The following IL1RAPL2 variants were observed in gnomAD, a reference collection of about 807,000 sequenced individuals.
IL1RAPL2 encodes interleukin 1 receptor accessory protein like 2.
Under a neutral mutation model 44.1 loss-of-function variants are expected in IL1RAPL2, and 3 were observed. That is an observed-to-expected ratio of 0.07 (90% confidence interval 0.03 to 0.18). The LOEUF (loss-of-function observed/expected upper bound fraction) is 0.18. Ranked by LOEUF, IL1RAPL2 falls within the 10% of genes least tolerant of loss-of-function variation. IL1RAPL2 has a pLI of 1.00. For missense variants in IL1RAPL2, 391 were observed against 496.4 expected, an observed-to-expected ratio of 0.79 and a Z score of 2.02; for synonymous variants, 181 against 178.8, an observed-to-expected ratio of 1.01 and a Z score of -0.10.
At chrX:104,652,428 G>T (rs1930170073) in intron 1 of IL1RAPL2, among the ~76,000 whole-genome samples, 1 of 111,746 alleles carries the variant, frequency 8.9e-6, no homozygotes, top group Non-Finnish European at 1.9e-5. Context: ...CATTTGATAA[G>T]ATGTTATCTA....
intron 2 of IL1RAPL2, among the ~76,000 whole-genome samples, chrX:104,830,371 G>A (rs765945372): frequency 9.0e-6 from 1 of 111,372 alleles, no homozygotes; most frequent in East Asian, 2.8e-4. Flanking sequence ...TATGTAGAAT[G>A]GTATCTGTTA....
chrX:104,850,730 A>G (rs913510043), intron 2 of IL1RAPL2, among the ~76,000 whole-genome samples: 12 of 111,642 alleles, frequency 1.1e-4, no homozygotes, highest in South Asian at 3.7e-4. Flanking sequence ...CTGAAATCTC[A>G]TAAGAAATGA....
chrX:104,888,046 G>A (rs1480408375), intron 2 of IL1RAPL2, among the ~76,000 whole-genome samples: 2 of 111,396 alleles, frequency 1.8e-5, no homozygotes, highest in African/African-American at 6.5e-5. Flanking sequence ...CTAACCTCTA[G>A]GAGAAAGCCC....
chrX:104,659,226 A>C (rs190048031), intron 2 of IL1RAPL2, among the ~76,000 whole-genome samples: 11 of 111,991 alleles, frequency 9.8e-5, no homozygotes, highest in African/African-American at 3.6e-4. Context: ...TCAGTGGACA[A>C]TGAAATGTTA....
At chrX:104,913,072 G>A (rs1228761921) in intron 2 of IL1RAPL2, among the ~76,000 whole-genome samples, 2 of 111,925 alleles carry the variant, frequency 1.8e-5, no homozygotes, top group African/African-American at 6.5e-5. Flanking sequence ...ATGAGGTAGA[G>A]TTAATCTGAA....
intron 4 of IL1RAPL2, among the ~76,000 whole-genome samples, chrX:105,265,962 G>T (rs755524249): frequency 9.0e-6 from 1 of 111,039 alleles, no homozygotes; most frequent in Non-Finnish European, 1.9e-5. Flanking sequence ...AAAGTAAAAA[G>T]TGCTCTCAAC....
At chrX:105,680,267 G>A (rs1269883319) in intron 6 of IL1RAPL2, among the ~76,000 whole-genome samples, 1 of 111,790 alleles carries the variant, frequency 8.9e-6, no homozygotes, top group Non-Finnish European at 1.9e-5. Context: ...CCAAAGTGTT[G>A]GGATTACAGG....
intron 2 of IL1RAPL2, among the ~76,000 whole-genome samples, chrX:104,901,329 G>A (rs1923812187): frequency 9.9e-6 from 1 of 100,869 alleles, no homozygotes; most frequent in Admixed American, 1.1e-4. Flanking sequence ...TCCTGCCTCA[G>A]CCTCGCGAGT....
At chrX:105,569,796 T>C (rs1368778543) in intron 6 of IL1RAPL2, among the ~76,000 whole-genome samples, 1 of 111,503 alleles carries the variant, frequency 9.0e-6, no homozygotes, top group Non-Finnish European at 1.9e-5. Flanking sequence ...AACCAGTATA[T>C]TATCATTTAA....
intron 2 of IL1RAPL2, among the ~76,000 whole-genome samples, chrX:105,168,444 T>TGTGTGTGTGTGC (rs1182463801): frequency 9.6e-6 from 1 of 104,221 alleles, no homozygotes; most frequent in African/African-American, 3.5e-5. Context: ...TGTGTGTGTG[T>TGTGTGTGTGTGC]GTGTGTGTGC....
At chrX:105,370,053 C>T (rs1200345690) in intron 5 of IL1RAPL2, among the ~76,000 whole-genome samples, 1 of 111,767 alleles carries the variant, frequency 8.9e-6, no homozygotes, top group Admixed American at 9.6e-5. Context: ...AACTGAGTAG[C>T]AACCATGCCT....
chrX:104,814,287 A>G (rs776782692), intron 2 of IL1RAPL2, among the ~76,000 whole-genome samples: 1 of 112,245 alleles, frequency 8.9e-6, no homozygotes, highest in Non-Finnish European at 1.9e-5. Flanking sequence ...TCTGGCCATT[A>G]CTAATCTGAC....
chrX:104,860,959 T>G (rs1406857338), intron 2 of IL1RAPL2, among the ~76,000 whole-genome samples: 1 of 111,361 alleles, frequency 9.0e-6, no homozygotes, highest in Non-Finnish European at 1.9e-5. Context: ...TCTTTACCCC[T>G]CCTTTGACTT....
At chrX:104,973,546 T>C (rs776995070) in intron 2 of IL1RAPL2, among the ~76,000 whole-genome samples, 16 of 112,102 alleles carry the variant, frequency 1.4e-4, no homozygotes, top group Non-Finnish European at 2.4e-4. Flanking sequence ...ATGAACTCAC[T>C]GAGAAGCTTT....
chrX:104,903,535 T>A (rs1274605695), intron 2 of IL1RAPL2, among the ~76,000 whole-genome samples: 1 of 111,687 alleles, frequency 9.0e-6, no homozygotes, highest in East Asian at 2.8e-4. Context: ...CATTGGAGTT[T>A]CTGGACCCTT....
In IL1RAPL2 at chrX:105,617,267, C is replaced by G. The variant is rs190465308; in HGVS notation, c.773-100100C>G. ...GGCCAACTCGATGAGGGAATTGTAA[C>G]GAAATGATTCTAACATACTTTGAAT... On this transcript the variant is annotated intron_variant, in intron 6 of 10. Transcript: ENST00000372582. Among the ~76,000 whole-genome samples the G allele has an allele frequency of 5.4e-5, 6 of 110,669 alleles. No individual in the cohort carries two copies. The East Asian group carries it at 1.7e-3, about 32-fold the overall frequency.
At chrX:105,182,773 C>G (rs2033546087) in intron 2 of IL1RAPL2, among the ~76,000 whole-genome samples, 1 of 111,305 alleles carries the variant, frequency 9.0e-6, no homozygotes, top group Non-Finnish European at 1.9e-5. Context: ...GTGGGACAGA[C>G]AGATGGATAG....
intron 2 of IL1RAPL2, among the ~76,000 whole-genome samples, chrX:105,075,980 T>G (rs760212568): frequency 8.9e-6 from 1 of 111,933 alleles, no homozygotes; most frequent in East Asian, 2.8e-4. Context: ...TTGTTGATCT[T>G]TTCAAAAAAC....
chrX:104,978,513 T>C (rs184987888), intron 2 of IL1RAPL2, among the ~76,000 whole-genome samples: 2 of 112,325 alleles, frequency 1.8e-5, no homozygotes, highest in East Asian at 5.6e-4. Context: ...ATATTCTCAT[T>C]GATGTTGGAA....
Sources: gnomAD v4.1 joint callset for allele counts (sites outside exome capture counted in the v4.1 genomes callset) on GRCh38, gnomAD v4.1.1 for gene constraint, MANE v1.5 for transcripts, NCBI Gene and HGNC (gene_info 2026-07-23, HGNC 2026-07-21) for gene names.